The following SMOC2 variants were observed in gnomAD, a reference collection of about 807,000 sequenced individuals.
The protein encoded by SMOC2 is SPARC-related modular calcium-binding protein 2.
SMOC2 carries 39 observed loss-of-function variants against 61.4 expected under a neutral mutation model. The ratio of observed to expected loss-of-function variants is 0.64; its 90% CI spans 0.49 to 0.83. The LOEUF (loss-of-function observed/expected upper bound fraction) is 0.83, where lower values mean the gene tolerates loss of function less well. Among genes scored for constraint, SMOC2 ranks in the 40% least tolerant of loss-of-function variants. The pLI, the probability that SMOC2 is intolerant of heterozygous loss-of-function variation, is 0.00. For missense variants in SMOC2, 556 were observed against 592.9 expected (o/e 0.94, Z 0.65); for synonymous variants, 247 against 239.9 (o/e 1.03, Z -0.27).
intron 7 of SMOC2, among the ~76,000 whole-genome samples, chr6:168,577,664 G>GTGATTCATTCACTC (rs1784837787): frequency 1.3e-5 from 2 of 152,188 alleles, no homozygotes; most frequent in African/African-American, 4.8e-5. Flanking sequence ...TCTCCCAGCA[G>GTGATTCATTCACTC]TGATTCATTC....
intron 7 of SMOC2, among the ~76,000 whole-genome samples, chr6:168,584,412 G>A (rs930697105): frequency 2.0e-5 from 3 of 152,060 alleles, no homozygotes; most frequent in Admixed American, 6.6e-5. Context: ...TAAACAAAAC[G>A]AAACTTGCAT....
rs1177953887 is a variant in SMOC2 at position 168,452,849 on chromosome 6, C to CT, written c.84+11399dup. 6.6e-6 allele frequency among the ~76,000 whole-genome samples: 1 copy of CT among 152,222 alleles called. No homozygotes were observed. Among genetic ancestry groups the CT allele is most frequent in the African/African-American group, 2.4e-5 (1 of 41,454 alleles). On this transcript the variant is annotated intron_variant, in intron 1 of 12. Coordinates refer to ENST00000356284, the MANE Select transcript of SMOC2 (RefSeq NM_001166412.2). This position sits in a 1 kb window ranked among gnomAD's most constrained non-coding sequence, Gnocchi z 5.0. ...AGGAGGGCAGCCCGCCAGGCCGAGGCTTTTGTCCTGCTCTGCTCCTGGAGG... is the reference window on the plus strand; with the variant it reads ...AGGAGGGCAGCCCGCCAGGCCGAGGCTTTTTGTCCTGCTCTGCTCCTGGAGG...
At chr6:168,626,873 G>C (rs1034740405) in intron 9 of SMOC2, among the ~76,000 whole-genome samples, 1 of 152,158 alleles carries the variant, frequency 6.6e-6, no homozygotes, top group Non-Finnish European at 1.5e-5. Context: ...ATAGAGACCC[G>C]GGGCCCTGAC....
intron 9 of SMOC2, among the ~76,000 whole-genome samples, chr6:168,642,328 G>A (rs1248107383): frequency 1.3e-5 from 2 of 152,262 alleles, no homozygotes; most frequent in Non-Finnish European, 2.9e-5. Context: ...GGTTTGAACA[G>A]TTGGCTACGT....
At chr6:168,442,382 C>T (rs979532073) in intron 1 of SMOC2, among the ~76,000 whole-genome samples, 3 of 152,250 alleles carry the variant, frequency 2.0e-5, no homozygotes, top group East Asian at 1.9e-4. Flanking sequence ...AAGCCCCCGC[C>T]GGCCAAGCCA....
intron 9 of SMOC2, among the ~76,000 whole-genome samples, chr6:168,623,825 C>G (rs1786312128): frequency 6.6e-6 from 1 of 152,136 alleles, no homozygotes; most frequent in Non-Finnish European, 1.5e-5. Context: ...GACAGTGATT[C>G]AGAGATGCAC....
chr6:168,596,096 A>G (rs10945522), intron 7 of SMOC2, among the ~76,000 whole-genome samples: 6,524 of 26,574 alleles, frequency 0.25, 240 homozygotes, highest in Middle Eastern at 0.33. Flanking sequence ...GGCATGAACA[A>G]GCGCCACGTG....
intron 1 of SMOC2, among the ~76,000 whole-genome samples, chr6:168,467,178 C>CACACAG (rs1214009084): frequency 6.7e-6 from 1 of 149,062 alleles, no homozygotes; most frequent in African/African-American, 2.6e-5. Flanking sequence ...CACACACACA[C>CACACAG]ACACGTTTAT....
chr6:168,445,224 G>A (rs1351495990), intron 1 of SMOC2, among the ~76,000 whole-genome samples: 1 of 152,104 alleles, frequency 6.6e-6, no homozygotes, highest in Non-Finnish European at 1.5e-5. Context: ...ACTGTCTTCA[G>A]GAACTTTACA....
At chr6:168,585,349 G>A (rs1177684847) in intron 7 of SMOC2, among the ~76,000 whole-genome samples, 2 of 152,136 alleles carry the variant, frequency 1.3e-5, no homozygotes, top group Non-Finnish European at 2.9e-5. Flanking sequence ...TCCAGTAATG[G>A]TTTTGAGCTT....
intron 2 of SMOC2, among the ~76,000 whole-genome samples, chr6:168,517,356 C>A (rs953698315): frequency 1.3e-5 from 2 of 152,222 alleles, no homozygotes; most frequent in African/African-American, 2.4e-5. Context: ...CCTTCTCAAG[C>A]CGCCTCACGC....
rs749672429 is a variant in SMOC2 at position 168,543,620 on chromosome 6, T to C, written c.464-5T>C. On this transcript the variant is annotated splice_region_variant and splice_polypyrimidine_tract_variant and intron_variant, in intron 4 of 12. Coordinates refer to ENST00000356284, the MANE Select transcript of SMOC2 (RefSeq NM_001166412.2). ...TTCATTTCACTCCTTATTTTCCTCT[T>C]TTAGGTTCCGTAAATGAAAAGTTAC... 4.3e-6 allele frequency: 7 copies of C among 1,613,438 alleles called. No individual in the cohort carries two copies. The highest frequency in any genetic ancestry group is 5.9e-6 in the Non-Finnish European group (7 of 1,179,486).
Position 168,475,941 on chromosome 6 carries a change from AG to A in SMOC2, c.85-33971del, listed in dbSNP as rs572186058. On this transcript the variant is annotated intron_variant, in intron 1 of 12. Transcript: ENST00000356284. The surrounding 1 kb of genome is among the most constrained non-coding windows in gnomAD (Gnocchi z 4.6). ...GAGCAGGTGGACCAGGAGGCGTGGA[AG>A]GGCTGAGGTTTGCTAACCGTAGTCC... 4.2e-3 allele frequency among the ~76,000 whole-genome samples: 640 copies of A among 152,042 alleles called. 6 individuals are homozygous for A. Among genetic ancestry groups the A allele is most frequent in the Non-Finnish European group, 7.1e-3 (479 of 67,940 alleles).
At chr6:168,499,181 C>T (rs1722359434) in intron 1 of SMOC2, among the ~76,000 whole-genome samples, 1 of 152,176 alleles carries the variant, frequency 6.6e-6, no homozygotes, top group Non-Finnish European at 1.5e-5. Context: ...CTGGGTCCTC[C>T]CAGACCTACA....
chr6:168,645,496 C>G (rs61087072), intron 9 of SMOC2, among the ~76,000 whole-genome samples: 4,392 of 152,284 alleles, frequency 0.029, 204 homozygotes, highest in African/African-American at 0.1. Context: ...TCTCCTCGGG[C>G]CTTTTCTCCC....
rs550589785 is a variant in SMOC2, at chr6:168,635,727, C to T, written c.908-14954C>T. Among the ~76,000 whole-genome samples, 241 of 151,976 alleles carry T rather than the reference C, an allele frequency of 1.6e-3. 1 individual carries two copies. The highest frequency in any genetic ancestry group is 6.8e-3 in the Middle Eastern group (2 of 294). On this transcript the variant is annotated intron_variant, in intron 9 of 12. Coordinates refer to ENST00000356284, the MANE Select transcript of SMOC2 (RefSeq NM_001166412.2). ...CTCTACTAAAAATACAAAAATTAGC[C>T]GGGCGTGGTGGCGGGTGCCTGTAAT...
intron 7 of SMOC2, among the ~76,000 whole-genome samples, chr6:168,577,164 G>A (rs532144128): frequency 3.9e-5 from 6 of 152,044 alleles, no homozygotes; most frequent in Non-Finnish European, 5.9e-5. Flanking sequence ...GGACCAGGAC[G>A]CCATCTAAAC....
At chr6:168,538,484 C>T (rs565564684) in intron 4 of SMOC2, among the ~76,000 whole-genome samples, 106 of 79,156 alleles carry the variant, frequency 1.3e-3, no homozygotes, top group Non-Finnish European at 2.0e-3. Flanking sequence ...GTGCGGTGAC[C>T]GCTGCTGGAA....
intron 9 of SMOC2, among the ~76,000 whole-genome samples, chr6:168,637,903 TGCTGTATGCTGAGCTGGA>T (rs60199950): frequency 0.18 from 27,495 of 151,154 alleles, 2,955 homozygotes; most frequent in Middle Eastern, 0.34. Context: ...TCCCAGGGCG[TGCTGTATGCTGAGCTGGA>T]GCTGGATGCT....
Sources: gnomAD v4.1 joint callset for allele counts (sites outside exome capture counted in the v4.1 genomes callset) on GRCh38, gnomAD v4.1.1 for gene constraint, Gnocchi (gnomAD v3.1) non-coding constraint, MANE v1.5 for transcripts, NCBI Gene and HGNC (gene_info 2026-07-23, HGNC 2026-07-21) for gene names.